RNASEL: variants seen among roughly 807,000 people sequenced by gnomAD.
RNASEL encodes ribonuclease L.
RNASEL carries 36 observed loss-of-function variants against 50.9 expected under a neutral mutation model. The ratio of observed to expected loss-of-function variants is 0.71; its 90% confidence interval spans 0.54 to 0.93. RNASEL has a LOEUF of 0.93. RNASEL is among the 40% of genes least tolerant of loss of function. The probability of loss-of-function intolerance (pLI) is 0.00; values close to 1 mark genes in which losing one functional copy is unlikely to be tolerated. For synonymous variants in RNASEL, 335 were observed against 335.6 expected (o/e 1.00, Z 0.02); for missense variants, 860 against 894.5 (o/e 0.96, Z 0.49).
chr1:182,584,092 T>G lies in RNASEL; in HGVS notation c.1555A>C (p.Arg519=). ...ATTGTAGAATTTACCTCTAGATCTC[T>G]CTTGACTTCCTGTGGATCTCCAGCC... ...KWAGDPQEVK[R]DLEDLGRLVL... is the part of the protein sequence containing the mutation. Residue 519 remains arginine, a synonymous_variant, in exon 3 of 7, where the codon AGA becomes CGA. Coordinates refer to ENST00000367559, the MANE Select transcript of RNASEL (RefSeq NM_021133.4). 6.2e-7 allele frequency: 1 copy of G among 1,613,130 alleles called. No homozygotes were observed. Among genetic ancestry groups the G allele is most frequent in the Non-Finnish European group, 8.5e-7 (1 of 1,179,100 alleles).
chr1:182,583,481 T>C (rs953883284), intron 3 of RNASEL, among the ~76,000 whole-genome samples: 1 of 152,138 alleles, frequency 6.6e-6, no homozygotes, highest in Non-Finnish European at 1.5e-5. Flanking sequence ...TGACGGTTAA[T>C]ATTGAGTGTC....
rs1237958943 is a variant in RNASEL at position 182,574,798 on chromosome 1, T to C, written c.*594A>G. The C allele has an allele frequency of 4.3e-6, 1 of 232,474 alleles. No individual in the cohort carries two copies. Among genetic ancestry groups the C allele is most frequent in the Non-Finnish European group, 8.5e-6 (1 of 118,334 alleles). 14.4% of individuals were successfully genotyped at this position (232,474 alleles called of 1,614,324 possible). ...TTGGTTCTGGAAGGAGTGGAATTCA[T>C]GCATCCAGTGCCCAGACTTATACTA... On this transcript the variant is annotated 3_prime_UTR_variant, in exon 7 of 7. Transcript: ENST00000367559.
chr1:182,581,408 T>C (rs1422940130), intron 4 of RNASEL, 51 bp from the exon 5 acceptor site: 1 of 1,611,684 alleles, frequency 6.2e-7, no homozygotes, highest in Non-Finnish European at 8.5e-7. Flanking sequence ...ATCCCTCCCT[T>C]TCCTTTTCCA....
chr1:182,581,405 C>T (rs778498583), intron 4 of RNASEL, 48 bp from the exon 5 acceptor site: 3 of 1,612,182 alleles, frequency 1.9e-6, no homozygotes, highest in Middle Eastern at 1.7e-4. Flanking sequence ...CCCATCCCTC[C>T]CTTTCCTTTT....
intron 3 of RNASEL, 61 bp downstream of exon 3, chr1:182,584,020 C>T (rs1661546271): frequency 2.4e-6 from 3 of 1,240,658 alleles, no homozygotes; most frequent in Non-Finnish European, 3.6e-6. Flanking sequence ...AGAACCCTGA[C>T]TACTACATGA....
At chr1:182,581,061 C>T (rs1039673554) in intron 5 of RNASEL, among the ~76,000 whole-genome samples, 164 bp downstream of exon 5, 2 of 152,106 alleles carry the variant, frequency 1.3e-5, no homozygotes, top group African/African-American at 2.4e-5. Flanking sequence ...GTAGACACCC[C>T]GGCAGGGAGC....
At position 182,574,073 on chromosome 1, in the gene RNASEL, G is replaced by C; in HGVS notation, c.*1319C>G. On this transcript the variant is annotated 3_prime_UTR_variant, in exon 7 of 7. Coordinates refer to ENST00000367559, the MANE Select transcript of RNASEL (RefSeq NM_021133.4). ...AATGTTGACCTTAAAGGATTGTTTT[G>C]AAAATTAAATAAAATAAAATACTCA... 1 of 207,750 alleles carries C rather than the reference G, an allele frequency of 4.8e-6. No individual in the cohort carries two copies. Among genetic ancestry groups the C allele is most frequent in the Non-Finnish European group, 9.8e-6 (1 of 102,080 alleles). 12.9% of individuals were successfully genotyped at this position (207,750 alleles called of 1,614,324 possible). A position where few individuals can be genotyped will look rare whatever the true frequency, so the allele number is the denominator to read the frequency against.
At chr1:182,588,258 C>G (rs1008133991) in intron 1 of RNASEL, among the ~76,000 whole-genome samples, 2 of 152,184 alleles carry the variant, frequency 1.3e-5, no homozygotes. Context: ...TAATTTTTTA[C>G]TATTACTTCC....
intron 5 of RNASEL, among the ~76,000 whole-genome samples, chr1:182,580,760 T>A (rs367549416): frequency 1.1e-4 from 16 of 152,232 alleles, no homozygotes; most frequent in East Asian, 3.8e-4. Flanking sequence ...ATAGTCTATT[T>A]CCTCAGGCAG....
At chr1:182,576,780 G>A (rs1661391098) in intron 5 of RNASEL, 1 of 179,958 alleles carries the variant, frequency 5.6e-6, no homozygotes, top group Non-Finnish European at 1.2e-5. Context: ...ACTGAGGCAG[G>A]AGAGTCACTT....
In RNASEL at chr1:182,586,801, C is replaced by T; in HGVS notation, c.6G>A (p.Glu2=). The change falls in exon 2 of 7, where the codon GAG becomes GAA. Residue 2 remains glutamate (E), a synonymous_variant. Transcript: ENST00000367559. ...CCTGGGGGTTGTTATGATCCCTGCT[C>T]TCCATGACGGTAAATGCCACCTGCT... M[E]SRDHNNPQEG... 6.2e-7 allele frequency: 1 copy of T among 1,614,172 alleles called. No homozygotes were observed. The highest frequency in any genetic ancestry group is 8.5e-7 in the Non-Finnish European group (1 of 1,180,044).
chr1:182,576,435 T>G (rs1465153238), intron 5 of RNASEL, 46 bp from the exon 6 acceptor site: 1 of 1,443,296 alleles, frequency 6.9e-7, no homozygotes, highest in Non-Finnish European at 9.6e-7. Flanking sequence ...CAACACAAAA[T>G]AAATCCTGAT....
chr1:182,585,981 C>T lies in RNASEL; in HGVS notation c.826G>A (p.Ala276Thr), dbSNP rs1425538228. 6.2e-7 allele frequency: 1 copy of T among 1,614,142 alleles called. No homozygotes were observed. The highest frequency in any genetic ancestry group is 8.5e-7 in the Non-Finnish European group (1 of 1,180,046). ...TTGAGTTCAACAGCAAGCAGCAGTG[C>T]TGTTTTGCCATCACTGTCTGTGTCA... ...INDTDSDGKT[A>T]LLLAVELKLK... The change falls in exon 2 of 7, where the codon GCA becomes ACA. Residue 276 changes from alanine (A) to threonine (T), a missense_variant. Transcript: ENST00000367559.
At chr1:182,576,009 G>A (rs1488148670) in intron 6 of RNASEL, among the ~76,000 whole-genome samples, 1 of 152,180 alleles carries the variant, frequency 6.6e-6, no homozygotes, top group African/African-American at 2.4e-5. Context: ...GGAGTCACTA[G>A]CTCCTGTTCA....
chr1:182,578,154 C>T (rs1571263979), intron 5 of RNASEL: 2 of 152,232 alleles, frequency 1.3e-5, no homozygotes, highest in South Asian at 4.1e-4. Flanking sequence ...AAACTAAAAA[C>T]TTCTGCGCAG....
Position 182,586,730 on chromosome 1 carries a change from T to TTAA in RNASEL, c.76_77insTTA (p.Asp25_Asn26insIle). ...TTGAACAGCTTTAATCAGCAAGTGA[T>TTAA]TGTCTTCCACTGCAGCCCTTCTACC... On this transcript the variant is annotated inframe_insertion, in exon 2 of 7. Coordinates refer to ENST00000367559, the MANE Select transcript of RNASEL (RefSeq NM_021133.4). The TTAA allele has an allele frequency of 1.2e-6, 2 of 1,614,276 alleles. No homozygotes were observed. Among genetic ancestry groups the TTAA allele is most frequent in the African/African-American group, 1.3e-5 (1 of 75,078 alleles).
At chr1:182,579,525 CAGGATGGGGCA>C in intron 5 of RNASEL, 1 of 1,100,634 alleles carries the variant, frequency 9.1e-7, no homozygotes, top group Non-Finnish European at 1.1e-6. Flanking sequence ...GTATGTGTGG[CAGGATGGGGCA>C]AGTCAAGAAC....
intron 3 of RNASEL, among the ~76,000 whole-genome samples, 178 bp from the exon 4 acceptor site, chr1:182,582,436 G>A (rs988643967): frequency 6.6e-5 from 10 of 152,306 alleles, no homozygotes; most frequent in East Asian, 1.9e-4. Flanking sequence ...GCAGTATATC[G>A]CCCATACCAC....
chr1:182,579,201 T>C (rs1320848785), intron 5 of RNASEL: 68 of 971,322 alleles, frequency 7.0e-5, no homozygotes, highest in Non-Finnish European at 8.3e-5. Context: ...AACAAAACTA[T>C]ACTAGTACCC....
Sources: gnomAD v4.1 joint callset for allele counts (sites outside exome capture counted in the v4.1 genomes callset) on GRCh38, gnomAD v4.1.1 for gene constraint, MANE v1.5 for transcripts, NCBI Gene and HGNC (gene_info 2026-07-23, HGNC 2026-07-21) for gene names.